NIPAL3: variants seen among roughly 807,000 people sequenced by gnomAD.
NIPAL3 encodes NIPA like domain containing 3, also known as NIPA-like protein 3.
In NIPAL3, 41 loss-of-function variants were observed where a neutral mutation model predicts 47.2. That is an observed-to-expected ratio of 0.87 (90% CI 0.68 to 1.13). The LOEUF (loss-of-function observed/expected upper bound fraction) is 1.13. Ranked by LOEUF, NIPAL3 falls within the 50% of genes most tolerant of loss-of-function variation. The probability of loss-of-function intolerance (pLI) is 0.00; values close to 1 mark genes in which losing one functional copy is unlikely to be tolerated. For synonymous variants in NIPAL3, 194 were observed against 209.6 expected, an observed-to-expected ratio of 0.93 and a Z score of 0.64; for missense variants, 449 against 530.1, an observed-to-expected ratio of 0.85 and a Z score of 1.50.
At chr1:24,457,802 C>T (rs1338464589) in intron 8 of NIPAL3, 1 of 533,284 alleles carries the variant, frequency 1.9e-6, no homozygotes, top group African/African-American at 1.9e-5. Context: ...TCACATGAAG[C>T]TCTTATGAGA....
intron 4 of NIPAL3, among the ~76,000 whole-genome samples, chr1:24,444,185 G>C (rs183540893): frequency 6.6e-6 from 1 of 152,008 alleles, no homozygotes; most frequent in African/African-American, 2.4e-5. Context: ...ACTGCTCCAG[G>C]TACTTTTAGT....
chr1:24,453,446 C>T lies in NIPAL3; in HGVS notation c.579C>T (p.Phe193=). Residue 193 remains phenylalanine (F), a synonymous_variant, in exon 7 of 12, where the codon TTC becomes TTT. Transcript: ENST00000374399. ...TTCTGTTCTGCTTGCTGCTCTACTTCTACAAGGAGAAGAACGCCAACAACA... is the reference window on the plus strand; with the variant it reads ...TTCTGTTCTGCTTGCTGCTCTACTTTTACAAGGAGAAGAACGCCAACAACA... ...EIILFCLLLY[F]YKEKNANNIV... 15 of 1,613,688 alleles carry T rather than the reference C, an allele frequency of 9.3e-6. No individual in the cohort carries two copies. The highest frequency in any genetic ancestry group is 1.7e-4 in the Middle Eastern group (1 of 6,056).
At position 24,451,051 on chromosome 1, in the gene NIPAL3, G is replaced by A. The variant is rs768431707; in HGVS notation, c.540+1425G>A. Among the ~76,000 whole-genome samples the A allele has an allele frequency of 4.6e-5, 7 of 152,338 alleles. No individual in the cohort carries two copies. The South Asian group carries it at 6.2e-4, about 14-fold the overall frequency. ...AGTGCTGTGTGGCCTTAGCCAAGTCGCTTTCCTTCTCTGTTTCCCTCTCTG... is the reference window on the plus strand; with the variant it reads ...AGTGCTGTGTGGCCTTAGCCAAGTCACTTTCCTTCTCTGTTTCCCTCTCTG... On this transcript the variant is annotated intron_variant, in intron 6 of 11. Coordinates refer to ENST00000374399, the MANE Select transcript of NIPAL3 (RefSeq NM_020448.5). The surrounding 1 kb of genome is among the most constrained non-coding windows in gnomAD (Gnocchi z 4.5).
intron 10 of NIPAL3, 37 bp downstream of exon 10, chr1:24,460,581 T>G: frequency 6.6e-7 from 1 of 1,521,608 alleles, no homozygotes; most frequent in Non-Finnish European, 8.8e-7. Flanking sequence ...CAAAACATTG[T>G]GTGTAGAATT....
chr1:24,442,435 T>A (rs1395046803), intron 4 of NIPAL3, among the ~76,000 whole-genome samples: 2 of 152,210 alleles, frequency 1.3e-5, no homozygotes, highest in African/African-American at 4.8e-5. Context: ...GAGGGAGATG[T>A]TGTTGTTATC....
At chr1:24,438,572 T>C (rs1258897151) in intron 2 of NIPAL3, among the ~76,000 whole-genome samples, 2 of 152,220 alleles carry the variant, frequency 1.3e-5, no homozygotes, top group Non-Finnish European at 2.9e-5. Context: ...ACTTCACTGT[T>C]ACTGCTGACT....
In NIPAL3 at chr1:24,454,849, A is replaced by G. The variant is rs1282052518; in HGVS notation, c.638-1289A>G. The G allele has an allele frequency of 1.3e-5, 2 of 152,260 alleles. No individual in the cohort carries two copies. Among genetic ancestry groups the G allele is most frequent in the East Asian group, 3.8e-4 (2 of 5,200 alleles). 9.4% of individuals were successfully genotyped at this position (152,260 alleles called of 1,614,324 possible). Reference sequence around the variant, plus strand: ...ATATGACTGGCTTCTTTCACTGAGCATGATGATTCTGAGGTTCACCCACAT... The same window carrying G: ...ATATGACTGGCTTCTTTCACTGAGCGTGATGATTCTGAGGTTCACCCACAT... On this transcript the variant is annotated intron_variant, in intron 7 of 11. Transcript: ENST00000374399. The surrounding 1 kb of genome is among the most constrained non-coding windows in gnomAD (Gnocchi z 4.1).
In NIPAL3 at chr1:24,442,198, C is replaced by CA; in HGVS notation, c.306_307insA (p.Val103SerfsTer11). 6.2e-7 allele frequency: 1 copy of CA among 1,614,096 alleles called. No individual in the cohort carries two copies. The highest frequency in any genetic ancestry group is 8.5e-7 in the Non-Finnish European group (1 of 1,180,028). On this transcript the variant is annotated frameshift_variant, in exon 4 of 12. Transcript: ENST00000374399. LOFTEE classifies it high-confidence loss of function. ...ACGCCTTCGCGCCGCTGTCACTCAT[C>CA]GTGCCCCTCAGCGCAGTTTCTGTGA...
chr1:24,438,441 G>A (rs980044975), intron 2 of NIPAL3, among the ~76,000 whole-genome samples: 3 of 152,214 alleles, frequency 2.0e-5, no homozygotes, highest in Non-Finnish European at 4.4e-5. Flanking sequence ...ATTTCAGTTG[G>A]TGGGCCTCCC....
At chr1:24,415,781 C>T (rs144950310), upstream of NIPAL3, 51 of 949,786 alleles carry the variant, frequency 5.4e-5, no homozygotes, top group East Asian at 5.0e-3. Context: ...AAGCAAAACA[C>T]TGCAGCATCT....
rs1177412084 is a variant in NIPAL3, at chr1:24,460,369, T to C, written c.863-112T>C. 7.3e-6 allele frequency: 6 copies of C among 818,204 alleles called. No individual in the cohort carries two copies. The African/African-American group carries it at 1.1e-4, about 15-fold the overall frequency. 50.7% of individuals were successfully genotyped at this position (818,204 alleles called of 1,614,324 possible). On this transcript the variant is annotated intron_variant, in intron 9 of 11. Coordinates refer to ENST00000374399, the MANE Select transcript of NIPAL3 (RefSeq NM_020448.5). ...TTCTTGTAAGGCACAGTCATAAGTT[T>C]TGATCATTTTAGTTTCCTAAATGGA... is the stretch of plus-strand genomic sequence containing the variant.
chr1:24,435,937 T>C (rs1645082278), intron 2 of NIPAL3, among the ~76,000 whole-genome samples: 1 of 152,198 alleles, frequency 6.6e-6, no homozygotes, highest in South Asian at 2.1e-4. Flanking sequence ...CCCCAGCAGA[T>C]TGGGTGTCTG....
intron 2 of NIPAL3, among the ~76,000 whole-genome samples, chr1:24,437,812 A>G (rs767196888): frequency 1.3e-5 from 2 of 152,204 alleles, no homozygotes; most frequent in Non-Finnish European, 2.9e-5. Flanking sequence ...TGACAGTTCC[A>G]ATAAGACCGT....
chr1:24,456,579 C>T (rs534607132), intron 8 of NIPAL3, among the ~76,000 whole-genome samples: 130 of 152,056 alleles, frequency 8.5e-4, no homozygotes, highest in East Asian at 7.7e-4. Context: ...GGTGAAACCC[C>T]GTCTTTACTA....
At chr1:24,444,045 A>C (rs1645531196) in intron 4 of NIPAL3, among the ~76,000 whole-genome samples, 1 of 151,248 alleles carries the variant, frequency 6.6e-6, no homozygotes, top group Non-Finnish European at 1.5e-5. Flanking sequence ...AGGCCAAGTT[A>C]TAATGATAAA....
intron 2 of NIPAL3, among the ~76,000 whole-genome samples, chr1:24,430,290 T>A (rs1440357418): frequency 6.7e-6 from 1 of 150,246 alleles, no homozygotes; most frequent in African/African-American, 2.5e-5. Context: ...TTGCCCAGGC[T>A]GGAGTGCAGG....
At chr1:24,434,403 G>A (rs1645008201) in intron 2 of NIPAL3, among the ~76,000 whole-genome samples, 1 of 152,140 alleles carries the variant, frequency 6.6e-6, no homozygotes, top group Non-Finnish European at 1.5e-5. Context: ...TGTAACAATT[G>A]TAAAATAAAT....
chr1:24,465,725 T>C, intron 11 of NIPAL3: 1 of 242,058 alleles, frequency 4.1e-6, no homozygotes, highest in Non-Finnish European at 7.9e-6. Context: ...CCAAGGCCTC[T>C]CATCCTCACT....
At chr1:24,420,549 TA>T (rs1277497595) in intron 2 of NIPAL3, among the ~76,000 whole-genome samples, 2 of 152,206 alleles carry the variant, frequency 1.3e-5, no homozygotes, top group Non-Finnish European at 2.9e-5. Context: ...GTATATCACC[TA>T]CTCCATTACT....
Sources: allele counts gnomAD v4.1 joint callset (sites outside exome capture counted in the v4.1 genomes callset), GRCh38; gene constraint gnomAD v4.1.1; non-coding constraint Gnocchi (gnomAD v3.1); transcripts MANE v1.5; gene names NCBI Gene and HGNC (gene_info 2026-07-23, HGNC 2026-07-21).